DNAJC17: variants seen among roughly 807,000 people sequenced by gnomAD.
The protein encoded by DNAJC17 is dnaJ homolog subfamily C member 17.
A neutral mutation model predicts 48.1 loss-of-function variants in DNAJC17; 35 were observed. The observed-to-expected ratio is 0.73, with a 90% confidence interval of 0.56 to 0.96. The LOEUF (loss-of-function observed/expected upper bound fraction) is 0.96, where lower values mean the gene tolerates loss of function less well. Ranked by LOEUF, DNAJC17 falls within the 50% of genes least tolerant of loss-of-function variation. The pLI is 0.00. For synonymous variants in DNAJC17, 117 were observed against 142.7 expected (o/e 0.82, Z 1.28); for missense variants, 355 against 377.1 (o/e 0.94, Z 0.48).
chr15:40,789,430 C>T (rs1161816350), intron 1 of DNAJC17, among the ~76,000 whole-genome samples: 1 of 151,932 alleles, frequency 6.6e-6, no homozygotes, highest in African/African-American at 2.4e-5. Context: ...AGTCTACAGC[C>T]CTCTTTCTCC....
chr15:40,776,154 A>T, intron 6 of DNAJC17, 42 bp downstream of exon 6: 2 of 1,595,920 alleles, frequency 1.3e-6, no homozygotes, highest in Non-Finnish European at 1.7e-6. Flanking sequence ...AGCAATCTGG[A>T]GCTACCTTGG....
intron 1 of DNAJC17, among the ~76,000 whole-genome samples, chr15:40,781,466 C>G (rs1032098611): frequency 1.3e-5 from 2 of 151,862 alleles, no homozygotes; most frequent in African/African-American, 2.4e-5. Context: ...TGCCATTGTA[C>G]TCTAGCCTGA....
At position 40,767,418 on chromosome 15, in the gene DNAJC17, T is replaced by C; in HGVS notation, c.*522A>G. ...CTGCTGTGGGCCCTGACCTCCAAGC[T>C]CCTGCCTCACCGTCTGCCTTGCTCC... On this transcript the variant is annotated 3_prime_UTR_variant, in exon 11 of 11. Transcript: ENST00000220496. 6.7e-7 allele frequency: 1 copy of C among 1,485,004 alleles called. No homozygotes were observed. The highest frequency in any genetic ancestry group is 9.0e-7 in the Non-Finnish European group (1 of 1,109,112). 92.0% of individuals were successfully genotyped at this position (1,485,004 alleles called of 1,614,324 possible).
Position 40,767,873 on chromosome 15 carries a change from A to AG in DNAJC17, c.*66_*67insC. 2.2e-6 allele frequency: 1 copy of AG among 450,494 alleles called. No homozygotes were observed. Among genetic ancestry groups the AG allele is most frequent in the Non-Finnish European group, 3.3e-6 (1 of 301,532 alleles). 27.9% of individuals were successfully genotyped at this position (450,494 alleles called of 1,614,324 possible). On this transcript the variant is annotated 3_prime_UTR_variant, in exon 11 of 11. Transcript: ENST00000220496. ...ATGTATGGGATAGAGGTAAAATCTT[A>AG]AAAAAAAAAAAAATTTATTGGTGAC... is the stretch of plus-strand genomic sequence containing the variant.
intron 2 of DNAJC17, 40 bp downstream of exon 2, chr15:40,779,888 A>T (rs1175156765): frequency 6.3e-7 from 1 of 1,595,334 alleles, no homozygotes; most frequent in Admixed American, 1.7e-5. Context: ...TGCCCGGGTG[A>T]GTGGGTTTCT....
intron 1 of DNAJC17, among the ~76,000 whole-genome samples, chr15:40,802,904 G>C (rs955294225): frequency 4.6e-5 from 7 of 152,054 alleles, no homozygotes; most frequent in African/African-American, 1.7e-4. Context: ...AGGAGTTCAA[G>C]ACCAACCTGG....
intron 1 of DNAJC17, among the ~76,000 whole-genome samples, chr15:40,795,206 G>A (rs1346726978): frequency 6.7e-6 from 1 of 149,184 alleles, no homozygotes; most frequent in Non-Finnish European, 1.5e-5. Flanking sequence ...CCATGACCAC[G>A]CCCCTGCACT....
chr15:40,771,189 T>C (rs1311654785), intron 10 of DNAJC17: 1 of 695,826 alleles, frequency 1.4e-6, no homozygotes, highest in African/African-American at 1.8e-5. Context: ...CTCTGCCTGC[T>C]CTCTGGGTCC....
chr15:40,788,851 C>T (rs976556717), intron 1 of DNAJC17, among the ~76,000 whole-genome samples: 1 of 152,154 alleles, frequency 6.6e-6, no homozygotes, highest in Non-Finnish European at 1.5e-5. Flanking sequence ...AGAGTGAGAT[C>T]CATCTCTTTA....
intron 4 of DNAJC17, among the ~76,000 whole-genome samples, chr15:40,778,534 A>G (rs1889391891): frequency 6.6e-6 from 1 of 151,154 alleles, no homozygotes; most frequent in Non-Finnish European, 1.5e-5. Context: ...TACAGGCGTG[A>G]GCCACCGCGC....
chr15:40,807,218 G>T, intron 1 of DNAJC17, 151 bp downstream of exon 1: 1 of 1,524,704 alleles, frequency 6.6e-7, no homozygotes, highest in East Asian at 2.4e-5. Context: ...AAATGTCTGG[G>T]AGCCCGCCTG....
Position 40,804,050 on chromosome 15 carries a change from G to A in DNAJC17, c.78+3319C>T, listed in dbSNP as rs1298324949. On this transcript the variant is annotated intron_variant, in intron 1 of 10. Coordinates refer to ENST00000220496, the MANE Select transcript of DNAJC17 (RefSeq NM_018163.3). Reference sequence around the variant, plus strand: ...TACAGTGGCAAAATCATAGCTCACTGAAACTTCCCAGGCTCAAGTGATCCT... The same window carrying A: ...TACAGTGGCAAAATCATAGCTCACTAAAACTTCCCAGGCTCAAGTGATCCT... 6.6e-5 allele frequency among the ~76,000 whole-genome samples: 10 copies of A among 151,102 alleles called. No homozygotes were observed. In the Admixed American group the frequency reaches 6.6e-4, roughly 10 times the overall value.
Position 40,767,607 on chromosome 15 carries a change from G to A in DNAJC17, c.*333C>T. On this transcript the variant is annotated 3_prime_UTR_variant, in exon 11 of 11. Coordinates refer to ENST00000220496, the MANE Select transcript of DNAJC17 (RefSeq NM_018163.3). ...GGGCCGAGGGCCTTGTGTAGGCCAT[G>A]TTCCTCGGGCAGCTGCCCCGGGCCG... 1 of 586,880 alleles carries A rather than the reference G, an allele frequency of 1.7e-6. No homozygotes were observed. Among genetic ancestry groups the A allele is most frequent in the Non-Finnish European group, 2.9e-6 (1 of 347,914 alleles). 36.4% of individuals were successfully genotyped at this position (586,880 alleles called of 1,614,324 possible). A position where few individuals can be genotyped will look rare whatever the true frequency, so the allele number is the denominator to read the frequency against.
At position 40,799,299 on chromosome 15, in the gene DNAJC17, G is replaced by C. The variant is rs572987258; in HGVS notation, c.78+8070C>G. 2.7e-5 allele frequency among the ~76,000 whole-genome samples: 4 copies of C among 150,712 alleles called. No homozygotes were observed. The South Asian group carries it at 8.4e-4, about 32-fold the overall frequency. On this transcript the variant is annotated intron_variant, in intron 1 of 10. Coordinates refer to ENST00000220496, the MANE Select transcript of DNAJC17 (RefSeq NM_018163.3). ...TAGCAGACTGATCCTCTCCCTAGGA[G>C]CACTTCCACCCGAAACCCAGGTCCT...
intron 1 of DNAJC17, among the ~76,000 whole-genome samples, chr15:40,788,683 G>A (rs562476684): frequency 5.5e-4 from 80 of 144,324 alleles, no homozygotes; most frequent in African/African-American, 2.0e-3. Flanking sequence ...GCCACAGAGC[G>A]AGACTCTGTC....
chr15:40,806,330 T>C (rs1391187117), intron 1 of DNAJC17, among the ~76,000 whole-genome samples: 5 of 151,008 alleles, frequency 3.3e-5, no homozygotes, highest in African/African-American at 1.2e-4. Flanking sequence ...GTGATTCTCC[T>C]GCCTCAGCCT....
intron 1 of DNAJC17, among the ~76,000 whole-genome samples, chr15:40,795,388 A>G (rs76098073): frequency 0.032 from 4,938 of 152,230 alleles, 265 homozygotes; most frequent in African/African-American, 0.11. Flanking sequence ...AGCAAGAGAC[A>G]GAAAAGATGG....
intron 10 of DNAJC17, among the ~76,000 whole-genome samples, chr15:40,773,039 C>T (rs536396375): frequency 1.3e-5 from 2 of 151,110 alleles, no homozygotes; most frequent in East Asian, 3.9e-4. Context: ...CGGCTCACTG[C>T]AACCTCTGCC....
At chr15:40,771,705 T>C (rs1419630267) in intron 10 of DNAJC17, 1 of 170,164 alleles carries the variant, frequency 5.9e-6, no homozygotes, top group East Asian at 1.9e-4. Flanking sequence ...GATTAATGGC[T>C]ACCACACTGG....
Sources: gnomAD v4.1 joint callset for allele counts (sites outside exome capture counted in the v4.1 genomes callset) on GRCh38, gnomAD v4.1.1 for gene constraint, MANE v1.5 for transcripts, NCBI Gene and HGNC (gene_info 2026-07-23, HGNC 2026-07-21) for gene names.